RSU1: variants seen among roughly 807,000 people sequenced by gnomAD.
RSU1 encodes the protein rsu-1.
A neutral mutation model predicts 31.1 loss-of-function variants in RSU1; 26 were observed. The observed-to-expected ratio is 0.84, with a 90% CI of 0.61 to 1.16. RSU1 has a LOEUF of 1.16. RSU1 is among the 50% of genes most tolerant of loss of function. RSU1 has a pLI of 0.00. For synonymous variants in RSU1, 164 were observed against 136.3 expected (o/e 1.20, Z -1.41); for missense variants, 320 against 339.1 (o/e 0.94, Z 0.44).
intron 7 of RSU1, among the ~76,000 whole-genome samples, chr10:16,751,969 G>C (rs1294425230): frequency 6.6e-6 from 1 of 152,192 alleles, no homozygotes; most frequent in East Asian, 1.9e-4. Context: ...ACAGGATTAG[G>C]ATTCAGCGGC....
At chr10:16,766,356 G>A (rs1389115497) in intron 3 of RSU1, among the ~76,000 whole-genome samples, 1 of 152,168 alleles carries the variant, frequency 6.6e-6, no homozygotes, top group Non-Finnish European at 1.5e-5. Context: ...TTCTTTCTTA[G>A]GTGCACAGTC....
chr10:16,795,296 G>C (rs1253096277), intron 2 of RSU1, among the ~76,000 whole-genome samples: 1 of 144,896 alleles, frequency 6.9e-6, no homozygotes, highest in African/African-American at 2.6e-5. Flanking sequence ...AGTGGTTGCA[G>C]TGAGCCGAGA....
chr10:16,803,610 G>T (rs1273102857), intron 2 of RSU1, among the ~76,000 whole-genome samples: 1 of 152,194 alleles, frequency 6.6e-6, no homozygotes. Flanking sequence ...ACAAGACAGT[G>T]TGGAGTTGGT....
At chr10:16,763,030 A>C (rs1321656433) in intron 4 of RSU1, among the ~76,000 whole-genome samples, 1 of 152,064 alleles carries the variant, frequency 6.6e-6, no homozygotes, top group Non-Finnish European at 1.5e-5. Context: ...AAACCTGGGA[A>C]ATACCTGGCC....
rs537073378 is a variant in RSU1, at chr10:16,805,913, A to T, written c.109+11060T>A. Among the ~76,000 whole-genome samples the T allele has an allele frequency of 3.9e-5, 6 of 152,132 alleles. No individual in the cohort carries two copies. The South Asian group carries it at 1.2e-3, about 31-fold the overall frequency. On this transcript the variant is annotated intron_variant, in intron 2 of 8. Coordinates refer to ENST00000345264, the MANE Select transcript of RSU1 (RefSeq NM_012425.4). ...AGGAGGAGTTAAGTAAAAGCCTTGC[A>T]TTCTGTTATGTATTTCCATTGGAAC...
intron 8 of RSU1, among the ~76,000 whole-genome samples, chr10:16,654,237 A>G (rs968834295): frequency 2.0e-5 from 3 of 151,150 alleles, no homozygotes; most frequent in African/African-American, 7.3e-5. Context: ...TACTGACCTC[A>G]GGTGATCAGC....
At chr10:16,595,247 A>C (rs921274140) in intron 8 of RSU1, among the ~76,000 whole-genome samples, 2 of 152,224 alleles carry the variant, frequency 1.3e-5, no homozygotes, top group Non-Finnish European at 2.9e-5. Context: ...CATCTCCACC[A>C]TGGCTGACAG....
At chr10:16,673,039 A>C (rs554301685) in intron 8 of RSU1, among the ~76,000 whole-genome samples, 1 of 152,322 alleles carries the variant, frequency 6.6e-6, no homozygotes, top group Admixed American at 6.5e-5. Flanking sequence ...AGAACCTAGC[A>C]TGTCTCCTAG....
At chr10:16,812,425 G>C (rs1382057810) in intron 2 of RSU1, among the ~76,000 whole-genome samples, 1 of 152,130 alleles carries the variant, frequency 6.6e-6, no homozygotes. Flanking sequence ...CTGGGCAACA[G>C]AGCAAGACTC....
At chr10:16,719,984 C>A (rs147897487) in intron 7 of RSU1, among the ~76,000 whole-genome samples, 2 of 152,224 alleles carry the variant, frequency 1.3e-5, no homozygotes, top group East Asian at 1.9e-4. Flanking sequence ...GCTTTGCAGC[C>A]AAGGAAAATG....
At chr10:16,706,670 A>G (rs114073795) in intron 7 of RSU1, among the ~76,000 whole-genome samples, 1,908 of 152,272 alleles carry the variant, frequency 0.013, 34 homozygotes, top group African/African-American at 0.043. Flanking sequence ...ATGCTATATA[A>G]TTATCCAATC....
At chr10:16,763,994 C>T (rs529811747) in intron 4 of RSU1, among the ~76,000 whole-genome samples, 3 of 152,228 alleles carry the variant, frequency 2.0e-5, no homozygotes, top group Admixed American at 6.5e-5. Context: ...CTTCCCTCCA[C>T]GGCACGAAGG....
chr10:16,748,590 A>T (rs1836907217), intron 7 of RSU1, among the ~76,000 whole-genome samples: 1 of 152,184 alleles, frequency 6.6e-6, no homozygotes, highest in African/African-American at 2.4e-5. Context: ...GTAAAAGCCC[A>T]AGTTCGGACA....
intron 7 of RSU1, among the ~76,000 whole-genome samples, chr10:16,751,110 G>A (rs558260951): frequency 2.0e-5 from 3 of 151,976 alleles, no homozygotes; most frequent in Non-Finnish European, 2.9e-5. Context: ...CAAGCTATCC[G>A]CCTGCTTCGG....
At chr10:16,663,828 T>G (rs537102971) in intron 8 of RSU1, among the ~76,000 whole-genome samples, 4 of 152,308 alleles carry the variant, frequency 2.6e-5, no homozygotes, top group Admixed American at 2.6e-4. Context: ...ACTCCCATGC[T>G]GTAAATGAGA....
chr10:16,652,935 T>C (rs1267610068), intron 8 of RSU1, among the ~76,000 whole-genome samples: 1 of 151,876 alleles, frequency 6.6e-6, no homozygotes, highest in Admixed American at 6.6e-5. Context: ...TGCCTCAGCC[T>C]CCCAAAGTGC....
At chr10:16,704,906 G>T (rs551078486) in intron 7 of RSU1, among the ~76,000 whole-genome samples, 2 of 152,010 alleles carry the variant, frequency 1.3e-5, no homozygotes, top group East Asian at 1.9e-4. Flanking sequence ...ATTTTTAAGG[G>T]TATGGTTTGG....
chr10:16,740,009 A>C lies in RSU1; in HGVS notation c.598+12530T>G, dbSNP rs187144314. Among the ~76,000 whole-genome samples the C allele has an allele frequency of 3.1e-3, 472 of 152,302 alleles. 5 individuals are homozygous for C. The highest frequency in any genetic ancestry group is 0.01 in the African/African-American group (430 of 41,564). On this transcript the variant is annotated intron_variant, in intron 7 of 8. Coordinates refer to ENST00000345264, the MANE Select transcript of RSU1 (RefSeq NM_012425.4). ...TCAAAAAACTCAATTCATAATTCAA[A>C]ACTTTCCCACAAAGAAAATTCAAGA...
chr10:16,748,988 G>A (rs1836917185), intron 7 of RSU1, among the ~76,000 whole-genome samples: 2 of 151,956 alleles, frequency 1.3e-5, no homozygotes, highest in Non-Finnish European at 2.9e-5. Context: ...CTAATCCCTA[G>A]CAAATACCAG....
Sources: gnomAD v4.1 joint callset for allele counts (sites outside exome capture counted in the v4.1 genomes callset) on GRCh38, gnomAD v4.1.1 for gene constraint, MANE v1.5 for transcripts, NCBI Gene and HGNC (gene_info 2026-07-23, HGNC 2026-07-21) for gene names.